ZSWIM5: variants seen among roughly 807,000 people sequenced by gnomAD.
ZSWIM5 encodes the protein zinc finger SWIM domain-containing protein 5.
A neutral mutation model predicts 119.6 loss-of-function variants in ZSWIM5; 55 were observed. The ratio of observed to expected loss-of-function variants is 0.46; its 90% CI spans 0.37 to 0.58. The LOEUF (loss-of-function observed/expected upper bound fraction) is 0.58. Among genes scored for constraint, ZSWIM5 ranks in the 20% least tolerant of loss-of-function variants. The pLI, the probability that ZSWIM5 is intolerant of heterozygous loss-of-function variation, is 0.00. For synonymous variants in ZSWIM5, 537 were observed against 606.9 expected (o/e 0.88, Z 1.69); for missense variants, 1,193 against 1,512.8 (o/e 0.79, Z 3.51).
At chr1:45,099,313 T>C (rs1194998696) in intron 1 of ZSWIM5, among the ~76,000 whole-genome samples, 1 of 152,192 alleles carries the variant, frequency 6.6e-6, no homozygotes, top group Admixed American at 6.5e-5. Flanking sequence ...AATGGATAAA[T>C]TCCTGGACAC....
intron 11 of ZSWIM5, among the ~76,000 whole-genome samples, chr1:45,033,656 C>G (rs1644965513): frequency 6.6e-6 from 1 of 152,156 alleles, no homozygotes; most frequent in Non-Finnish European, 1.5e-5. Context: ...TCTTAGTCAT[C>G]ACTTCATTAG....
intron 1 of ZSWIM5, among the ~76,000 whole-genome samples, chr1:45,148,144 G>A (rs1645774227): frequency 6.6e-6 from 1 of 151,964 alleles, no homozygotes; most frequent in South Asian, 2.1e-4. Context: ...GTCATTCTTT[G>A]TTTCATTTTG....
chr1:45,173,660 T>C (rs1645959341), intron 1 of ZSWIM5, among the ~76,000 whole-genome samples: 1 of 152,134 alleles, frequency 6.6e-6, no homozygotes. Context: ...TTTCCTCATA[T>C]GTAAAATTGG....
chr1:45,158,155 C>T (rs1426158305), intron 1 of ZSWIM5, among the ~76,000 whole-genome samples: 1 of 152,034 alleles, frequency 6.6e-6, no homozygotes, highest in African/African-American at 2.4e-5. Flanking sequence ...TACTACTATA[C>T]ATATATTTTT....
rs1414147478 is a variant in ZSWIM5, at chr1:45,182,260, C to T, written c.595+23496G>A. ...TCTACTAAAAATACAAAAAATTAGC[C>T]GGGCGCAGTGGCTGGCGCCTGTAGT... On this transcript the variant is annotated intron_variant, in intron 1 of 13. Coordinates refer to ENST00000359600, the MANE Select transcript of ZSWIM5 (RefSeq NM_020883.2). Among the ~76,000 whole-genome samples the T allele has an allele frequency of 4.3e-4, 66 of 152,118 alleles. No individual in the cohort carries two copies. In the Middle Eastern group the frequency reaches 0.01, roughly 24 times the overall value.
chr1:45,059,849 A>C (rs957265666), intron 3 of ZSWIM5, among the ~76,000 whole-genome samples: 2 of 152,164 alleles, frequency 1.3e-5, no homozygotes, highest in Non-Finnish European at 2.9e-5. Context: ...TTCCTTGCTA[A>C]AATGCCCCAG....
rs1177606689 is a variant in ZSWIM5 at position 45,072,826 on chromosome 1, T to G, written c.953-12579A>C. Among the ~76,000 whole-genome samples the G allele has an allele frequency of 2.6e-5, 4 of 152,056 alleles. No individual in the cohort carries two copies. The highest frequency in any genetic ancestry group is 9.7e-5 in the African/African-American group (4 of 41,274). On this transcript the variant is annotated intron_variant, in intron 2 of 13. Transcript: ENST00000359600. This position sits in a 1 kb window ranked among gnomAD's most constrained non-coding sequence, Gnocchi z 4.1. ...ACCATGCTATTTTGGTTACTATAGC[T>G]CTGTAGTATAATGTGAAGTCAAGTA...
chr1:45,044,915 C>A (rs1379271676), intron 5 of ZSWIM5, among the ~76,000 whole-genome samples: 1 of 133,742 alleles, frequency 7.5e-6, no homozygotes, highest in Non-Finnish European at 1.6e-5. Context: ...TCAGGAGGAT[C>A]ACTTGAGCCC....
At chr1:45,031,387 T>C (rs1266002168) in intron 11 of ZSWIM5, among the ~76,000 whole-genome samples, 4 of 151,576 alleles carry the variant, frequency 2.6e-5, no homozygotes, top group Admixed American at 1.3e-4. Context: ...TTTTAGCATG[T>C]TAGCCAGGCT....
At chr1:45,196,675 C>T (rs1403417784) in intron 1 of ZSWIM5, among the ~76,000 whole-genome samples, 2 of 151,250 alleles carry the variant, frequency 1.3e-5, no homozygotes, top group African/African-American at 4.9e-5. Context: ...CAGACGTGAG[C>T]CACCACGCCC....
chr1:45,052,144 C>T (rs1437062888), intron 4 of ZSWIM5, among the ~76,000 whole-genome samples: 1 of 151,676 alleles, frequency 6.6e-6, no homozygotes, highest in Admixed American at 6.6e-5. Flanking sequence ...CACCCCACCC[C>T]CAACCCTAGT....
Position 45,191,751 on chromosome 1 carries a change from C to T in ZSWIM5, c.595+14005G>A, listed in dbSNP as rs537245763. 1.2e-4 allele frequency among the ~76,000 whole-genome samples: 18 copies of T among 152,322 alleles called. No individual in the cohort carries two copies. In the South Asian group the frequency reaches 1.7e-3, roughly 14 times the overall value. On this transcript the variant is annotated intron_variant, in intron 1 of 13. Transcript: ENST00000359600. ...TGGGCCCAGGTCTCCAAACACGGCA[C>T]TTAGGAATTTAGAGCTCATTCTCTA... is the stretch of plus-strand genomic sequence containing the variant.
At chr1:45,041,526 A>G (rs1645018211) in intron 6 of ZSWIM5, among the ~76,000 whole-genome samples, 1 of 143,254 alleles carries the variant, frequency 7.0e-6, no homozygotes, top group Non-Finnish European at 1.5e-5. Flanking sequence ...ATATTTACTC[A>G]CACTTTTCTA....
In ZSWIM5 at chr1:45,176,462, G is replaced by C. The variant is rs61789766; in HGVS notation, c.595+29294C>G. Among the ~76,000 whole-genome samples, 6 of 151,912 alleles carry C rather than the reference G, an allele frequency of 3.9e-5. No homozygotes were observed. In the East Asian group the frequency reaches 1.2e-3, roughly 29 times the overall value. ...TATTTTTTAGTAGAGACGGGGTTTC[G>C]TCATGTTGGCCAGGCTGGTCTTGAA... On this transcript the variant is annotated intron_variant, in intron 1 of 13. Coordinates refer to ENST00000359600, the MANE Select transcript of ZSWIM5 (RefSeq NM_020883.2).
At chr1:45,138,481 G>T (rs1645702970) in intron 1 of ZSWIM5, among the ~76,000 whole-genome samples, 1 of 147,302 alleles carries the variant, frequency 6.8e-6, no homozygotes, top group Non-Finnish European at 1.5e-5. Flanking sequence ...CTCCAGCCTG[G>T]GAGACAAGAG....
chr1:45,039,444 G>A (rs1451289515), intron 7 of ZSWIM5, among the ~76,000 whole-genome samples: 2 of 152,186 alleles, frequency 1.3e-5, no homozygotes, highest in Non-Finnish European at 2.9e-5. Context: ...AGAGTGCAGT[G>A]GCGTGATCTT....
chr1:45,068,496 C>A (rs1287031919), intron 2 of ZSWIM5, among the ~76,000 whole-genome samples: 1 of 148,660 alleles, frequency 6.7e-6, no homozygotes, highest in African/African-American at 2.5e-5. Flanking sequence ...AACTCCGTCT[C>A]AAAAAAAAAA....
At chr1:45,112,033 A>G (rs1018808599) in intron 1 of ZSWIM5, among the ~76,000 whole-genome samples, 1 of 152,222 alleles carries the variant, frequency 6.6e-6, no homozygotes, top group Non-Finnish European at 1.5e-5. Context: ...GGTATAATTG[A>G]CACACCATAA....
chr1:45,034,560 T>G (rs914937787), intron 10 of ZSWIM5, 91 bp from the exon 11 acceptor site: 2 of 1,440,710 alleles, frequency 1.4e-6, no homozygotes, highest in Non-Finnish European at 1.9e-6. Context: ...GGGGAGGAAC[T>G]GGGGAGAGGA....
Sources: allele counts gnomAD v4.1 joint callset (sites outside exome capture counted in the v4.1 genomes callset), GRCh38; gene constraint gnomAD v4.1.1; non-coding constraint Gnocchi (gnomAD v3.1); transcripts MANE v1.5; gene names NCBI Gene and HGNC (gene_info 2026-07-23, HGNC 2026-07-21).